AK9: variants seen among roughly 807,000 people sequenced by gnomAD.
AK9 encodes adenylate kinase 9, also known as adenylate kinase domain containing 1.
In AK9, 191 loss-of-function variants were observed where a neutral mutation model predicts 239.6. The observed-to-expected ratio is 0.80, with a 90% CI of 0.71 to 0.90. The LOEUF (loss-of-function observed/expected upper bound fraction) is 0.90, where lower values mean the gene tolerates loss of function less well. AK9 is among the 40% of genes least tolerant of loss of function. The pLI is 0.00. For missense variants in AK9, 1,995 were observed against 2,214.7 expected, an observed-to-expected ratio of 0.90 and a Z score of 1.99; for synonymous variants, 689 against 721.0, an observed-to-expected ratio of 0.96 and a Z score of 0.71.
At chr6:109,644,802 A>G in intron 8 of AK9, 114 bp from the exon 9 acceptor site, 1 of 771,564 alleles carries the variant, frequency 1.3e-6, no homozygotes, top group East Asian at 2.9e-5. Flanking sequence ...TTTGCCTTAT[A>G]CATGCTATAA....
chr6:109,594,340 C>T (rs1446863221), intron 17 of AK9, among the ~76,000 whole-genome samples: 1 of 152,128 alleles, frequency 6.6e-6, no homozygotes, highest in African/African-American at 2.4e-5. Context: ...AGGAGAACTA[C>T]AAAGCACTGT....
At chr6:109,609,472 A>G (rs1374422415) in intron 17 of AK9, among the ~76,000 whole-genome samples, 1 of 152,220 alleles carries the variant, frequency 6.6e-6, no homozygotes. Flanking sequence ...GGTATCTAAC[A>G]TGGTATAGGG....
intron 19 of AK9, among the ~76,000 whole-genome samples, chr6:109,583,125 G>C (rs185214623): frequency 5.5e-4 from 84 of 152,262 alleles, no homozygotes; most frequent in African/African-American, 1.9e-3. Context: ...TTGCTTTACT[G>C]TGGTGGCCTG....
chr6:109,506,584 T>C, intron 34 of AK9, 37 bp from the exon 35 acceptor site: 1 of 1,542,854 alleles, frequency 6.5e-7, no homozygotes. Context: ...AAAAAGCTGT[T>C]AAAAACATAT....
intron 24 of AK9, chr6:109,550,685 A>G: frequency 6.3e-6 from 1 of 159,518 alleles, no homozygotes; most frequent in Non-Finnish European, 1.4e-5. Flanking sequence ...TACCCATGGC[A>G]AATTAAATGA....
At position 109,633,076 on chromosome 6, in the gene AK9, T is replaced by G; in HGVS notation, c.1101A>C (p.Ser367=). 1 of 1,552,698 alleles carries G rather than the reference T, an allele frequency of 6.4e-7. No homozygotes were observed. The highest frequency in any genetic ancestry group is 8.6e-7 in the Non-Finnish European group (1 of 1,157,546). Residue 367 remains serine (S), a synonymous_variant, in exon 12 of 41, where the codon TCA becomes TCC. Coordinates refer to ENST00000424296, the MANE Select transcript of AK9 (RefSeq NM_001145128.3). The stretch of plus-strand genomic sequence containing the variant: ...AAAATGGTTTTAATGCTTCTTCTGA[T>G]GAAAGACAGTAGATTTTACCTAGAA... The part of the protein sequence containing the change: ...VSFLGKIYCL[S]SEEALKPFLL...
At chr6:109,581,915 G>T (rs530857140) in intron 19 of AK9, among the ~76,000 whole-genome samples, 87 of 152,116 alleles carry the variant, frequency 5.7e-4, no homozygotes, top group Non-Finnish European at 1.1e-3. Flanking sequence ...TTGTGCAGCT[G>T]GTGAAGCTAA....
chr6:109,549,724 G>T (rs1443545343), intron 25 of AK9: 1 of 140,058 alleles, frequency 7.1e-6, no homozygotes, highest in Admixed American at 7.7e-5. Flanking sequence ...GGAGCGCAGT[G>T]GCGCGATCTC....
At chr6:109,662,327 A>G (rs1011338107) in intron 6 of AK9, among the ~76,000 whole-genome samples, 17 of 152,214 alleles carry the variant, frequency 1.1e-4, no homozygotes, top group Admixed American at 4.6e-4. Flanking sequence ...TGACTTTCAA[A>G]GGATGGCTAT....
chr6:109,561,365 G>T (rs753210751), intron 24 of AK9, among the ~76,000 whole-genome samples: 20 of 152,158 alleles, frequency 1.3e-4, no homozygotes, highest in Non-Finnish European at 2.2e-4. Flanking sequence ...GCCCAGGCTG[G>T]AGTGCAGAGG....
At chr6:109,498,047 A>AC (rs1206206366) in intron 36 of AK9, 82 bp from the exon 37 acceptor site, 13 of 1,367,098 alleles carry the variant, frequency 9.5e-6, no homozygotes, top group Non-Finnish European at 1.2e-5. Flanking sequence ...GCTCTCCTGC[A>AC]CCCTCCCCAT....
intron 32 of AK9, among the ~76,000 whole-genome samples, chr6:109,510,730 T>C (rs1778649356): frequency 6.6e-6 from 1 of 152,320 alleles, no homozygotes; most frequent in Non-Finnish European, 1.5e-5. Flanking sequence ...TCATTCTTCC[T>C]GGATGCAGGA....
chr6:109,600,713 T>A (rs1305520838), intron 17 of AK9, among the ~76,000 whole-genome samples: 2 of 152,158 alleles, frequency 1.3e-5, no homozygotes, highest in Non-Finnish European at 2.9e-5. Context: ...GGTCCTGGAC[T>A]TTTTTTAGTT....
At chr6:109,611,814 T>C (rs1213070323) in intron 16 of AK9, among the ~76,000 whole-genome samples, 196 bp downstream of exon 16, 1 of 152,164 alleles carries the variant, frequency 6.6e-6, no homozygotes, top group Non-Finnish European at 1.5e-5. Flanking sequence ...CAAAACAACA[T>C]ATCAAGTATT....
intron 27 of AK9, among the ~76,000 whole-genome samples, chr6:109,534,976 G>A (rs1227527412): frequency 6.6e-6 from 1 of 152,114 alleles, no homozygotes; most frequent in Non-Finnish European, 1.5e-5. Context: ...TGGTGTATAT[G>A]TGCAACATTT....
At chr6:109,643,868 C>T (rs902787093) in intron 9 of AK9, among the ~76,000 whole-genome samples, 2 of 152,188 alleles carry the variant, frequency 1.3e-5, no homozygotes, top group African/African-American at 2.4e-5. Context: ...CTCACCTCCC[C>T]TTGTCTTCAA....
At chr6:109,517,563 T>C (rs1254157926) in intron 29 of AK9, among the ~76,000 whole-genome samples, 2 of 152,188 alleles carry the variant, frequency 1.3e-5, no homozygotes, top group Non-Finnish European at 2.9e-5. Context: ...ACAGGGTTGC[T>C]GGGAGCATTA....
intron 10 of AK9, among the ~76,000 whole-genome samples, chr6:109,638,156 T>C (rs575567903): frequency 2.6e-5 from 4 of 152,262 alleles, no homozygotes; most frequent in Non-Finnish European, 5.9e-5. Context: ...CTATGCCCCA[T>C]GCATGCAATG....
intron 17 of AK9, among the ~76,000 whole-genome samples, chr6:109,607,832 T>G (rs2128236613): frequency 6.6e-6 from 1 of 151,170 alleles, no homozygotes; most frequent in East Asian, 1.9e-4. Context: ...TTCTAAAATT[T>G]ATGTGGAAGT....
Sources: gnomAD v4.1 joint callset for allele counts (sites outside exome capture counted in the v4.1 genomes callset) on GRCh38, gnomAD v4.1.1 for gene constraint, MANE v1.5 for transcripts, NCBI Gene and HGNC (gene_info 2026-07-23, HGNC 2026-07-21) for gene names.